Variants in TRAF1 observed in about 807,000 individuals in gnomAD.
The protein encoded by TRAF1 is TNF receptor associated factor 1, also known as TNF receptor-associated factor 1.
TRAF1 carries 23 observed loss-of-function variants against 40.9 expected under a neutral mutation model. The ratio of observed to expected loss-of-function variants is 0.56; its 90% CI spans 0.40 to 0.80. The LOEUF (loss-of-function observed/expected upper bound fraction) is 0.80. Ranked by LOEUF, TRAF1 falls within the 30% of genes least tolerant of loss-of-function variation. The pLI, the probability that TRAF1 is intolerant of heterozygous loss-of-function variation, is 0.00. For synonymous variants in TRAF1, 206 were observed against 218.8 expected (o/e 0.94, Z 0.52); for missense variants, 477 against 528.7 (o/e 0.90, Z 0.96).
chr9:120,908,412 A>G (rs1445581602), intron 7 of TRAF1, among the ~76,000 whole-genome samples: 2 of 152,002 alleles, frequency 1.3e-5, no homozygotes, highest in Non-Finnish European at 2.9e-5. Context: ...CTCTTCATAT[A>G]TTTATTCTCT....
chr9:120,909,489 G>A (rs2046509932), intron 6 of TRAF1, 111 bp from the exon 7 acceptor site: 1 of 1,323,938 alleles, frequency 7.6e-7, no homozygotes, highest in Non-Finnish European at 1.0e-6. Flanking sequence ...CATGAAAGAT[G>A]GGGTTAGAAC....
intron 5 of TRAF1, among the ~76,000 whole-genome samples, chr9:120,912,522 T>C (rs1265656849): frequency 2.6e-5 from 4 of 152,032 alleles, no homozygotes; most frequent in Non-Finnish European, 5.9e-5. Flanking sequence ...CTGGGTGTGG[T>C]GGCACACGCC....
Position 120,911,368 on chromosome 9 carries a change from G to C in TRAF1, c.851C>G (p.Ala284Gly). ...GAAGAGGCTGACGGTCCTGCCACAG[G>C]CCGACTCATGGCACCGCCTGGTGAC... ...TNVTRRCHES[A>G]CGRTVSLFSP... Residue 284 changes from alanine (A) to glycine (G), a missense_variant, in exon 6 of 8, where the codon GCC (alanine) becomes GGC (glycine). Physicochemically the swap from Ala to Gly is moderately conservative, Grantham distance 60 (BLOSUM62 0). Coordinates refer to ENST00000373887, the MANE Select transcript of TRAF1 (RefSeq NM_005658.5). 1 of 1,613,606 alleles carries C rather than the reference G, an allele frequency of 6.2e-7. No homozygotes were observed. Among genetic ancestry groups the C allele is most frequent in the South Asian group, 1.1e-5 (1 of 91,084 alleles).
intron 3 of TRAF1, among the ~76,000 whole-genome samples, chr9:120,921,734 G>A (rs116192987): frequency 8.5e-5 from 13 of 152,308 alleles, no homozygotes; most frequent in African/African-American, 2.6e-4. Flanking sequence ...AGGGCCTGCC[G>A]ATGGAGAGGT....
At chr9:120,915,653 G>A (rs776091796) in intron 3 of TRAF1, among the ~76,000 whole-genome samples, 14 of 152,076 alleles carry the variant, frequency 9.2e-5, no homozygotes, top group Non-Finnish European at 1.8e-4. Context: ...GCAACATAAT[G>A]AGACCTCATC....
intron 3 of TRAF1, among the ~76,000 whole-genome samples, chr9:120,922,934 G>C (rs1297321457): frequency 6.6e-6 from 1 of 151,996 alleles, no homozygotes; most frequent in Non-Finnish European, 1.5e-5. Context: ...ACCTCCCCAG[G>C]CTCAGGCGAC....
At chr9:120,921,907 A>G (rs2046608263) in intron 3 of TRAF1, among the ~76,000 whole-genome samples, 1 of 152,222 alleles carries the variant, frequency 6.6e-6, no homozygotes, top group Admixed American at 6.5e-5. Flanking sequence ...CCCTGCCAGC[A>G]CTGCTATCAC....
chr9:120,906,201 CAG>C (rs1455130911), intron 7 of TRAF1, among the ~76,000 whole-genome samples: 10 of 121,420 alleles, frequency 8.2e-5, no homozygotes, highest in African/African-American at 3.4e-4. Flanking sequence ...TTTTTTGAGA[CAG>C]AGTTTCGCTC....
At chr9:120,929,164 G>C (rs575098526), upstream of TRAF1, 150 of 152,566 alleles carry the variant, frequency 9.8e-4, no homozygotes, top group African/African-American at 3.6e-3. The surrounding 1 kb of genome is among the most constrained non-coding windows in gnomAD (Gnocchi z 4.5). Context: ...CGGAGCTTCC[G>C]GTGGAGTGTG....
chr9:120,923,362 T>C (rs571383303), intron 3 of TRAF1, among the ~76,000 whole-genome samples: 131 of 152,362 alleles, frequency 8.6e-4, no homozygotes, highest in Middle Eastern at 3.4e-3. Flanking sequence ...CAGGTCATTA[T>C]GCATGGCCTA....
rs201020297 is a variant in TRAF1 at position 120,925,947 on chromosome 9, A to C, written c.129T>G (p.Ser43=). 6.2e-7 allele frequency: 1 copy of C among 1,613,806 alleles called. No homozygotes were observed. The highest frequency in any genetic ancestry group is 8.5e-7 in the Non-Finnish European group (1 of 1,179,912). The change falls in exon 2 of 8, where the codon TCT becomes TCG. Residue 43 remains serine (S), a synonymous_variant. Transcript: ENST00000373887. The stretch of plus-strand genomic sequence containing the variant: ...CTCCATCACCTCACCTCGGGTTCTC[A>C]GAGAGACAGCCTGCACAGCAGAGAG... ...PRALCCAGCL[S]ENPRNGEDQI...
intron 6 of TRAF1, among the ~76,000 whole-genome samples, chr9:120,910,985 T>A (rs1438908661): frequency 6.6e-6 from 1 of 152,242 alleles, no homozygotes; most frequent in Admixed American, 6.5e-5. Flanking sequence ...CATCTGCACA[T>A]ACTGTGGCCC....
chr9:120,914,350 C>T, intron 3 of TRAF1, 50 bp from the exon 4 acceptor site: 1 of 1,380,340 alleles, frequency 7.2e-7, no homozygotes. Flanking sequence ...CCTGTGGCTA[C>T]CCTGGGGCTC....
intron 3 of TRAF1, among the ~76,000 whole-genome samples, chr9:120,916,202 T>G (rs1490772581): frequency 6.6e-6 from 1 of 152,182 alleles, no homozygotes; most frequent in East Asian, 1.9e-4. Context: ...CACCAAAGAC[T>G]ACATACTACC....
upstream of TRAF1, chr9:120,928,335 A>G (rs1310660322): frequency 2.6e-5 from 4 of 152,234 alleles, no homozygotes; most frequent in Admixed American, 2.6e-4. Flanking sequence ...AAGATTGTCT[A>G]TACAGGCACT....
intron 5 of TRAF1, 90 bp downstream of exon 5, chr9:120,913,238 G>T: frequency 1.4e-6 from 2 of 1,443,570 alleles, no homozygotes; most frequent in Non-Finnish European, 1.9e-6. Flanking sequence ...CTGTAAGCAG[G>T]ATGAATGATT....
chr9:120,908,439 G>C (rs1381351831), intron 7 of TRAF1, among the ~76,000 whole-genome samples: 1 of 152,064 alleles, frequency 6.6e-6, no homozygotes, highest in Non-Finnish European at 1.5e-5. Flanking sequence ...ACATGTTTTG[G>C]TCTCCTGCTA....
Position 120,904,739 on chromosome 9 carries a change from C to T in TRAF1, c.*281G>A, listed in dbSNP as rs2131615225. 1.1e-5 allele frequency: 5 copies of T among 454,142 alleles called. No individual in the cohort carries two copies. Among genetic ancestry groups the T allele is most frequent in the East Asian group, 8.0e-5 (2 of 25,000 alleles). The allele number at this position is 454,142 out of a possible 1,614,324, so 28.1% of individuals were successfully genotyped here. On this transcript the variant is annotated 3_prime_UTR_variant, in exon 8 of 8. Transcript: ENST00000373887. Reference sequence around the variant, plus strand: ...TTTGGTGAGAGTCCACCTCAACATTCGGGGCCGGAGTGGCTCACTGGCCTC... The same window carrying T: ...TTTGGTGAGAGTCCACCTCAACATTTGGGGCCGGAGTGGCTCACTGGCCTC...
Position 120,903,734 on chromosome 9 carries a change from G to A in TRAF1, c.*1286C>T, listed in dbSNP as rs1183964603. On this transcript the variant is annotated 3_prime_UTR_variant, in exon 8 of 8. Coordinates refer to ENST00000373887, the MANE Select transcript of TRAF1 (RefSeq NM_005658.5). Reference sequence around the variant, plus strand: ...TTGCCCAGGCTTCTCTCTCCAGTCTGTCCTGCGTGGCATCTCCTTTGAGGG... The same window carrying A: ...TTGCCCAGGCTTCTCTCTCCAGTCTATCCTGCGTGGCATCTCCTTTGAGGG... 1.3e-5 allele frequency: 2 copies of A among 152,286 alleles called. No homozygotes were observed. Among genetic ancestry groups the A allele is most frequent in the African/African-American group, 4.8e-5 (2 of 41,458 alleles). 9.4% of individuals were successfully genotyped at this position (152,286 alleles called of 1,614,324 possible). A position where few individuals can be genotyped will look rare whatever the true frequency, so the allele number is the denominator to read the frequency against.
Sources: gnomAD v4.1 joint callset for allele counts (sites outside exome capture counted in the v4.1 genomes callset) on GRCh38, gnomAD v4.1.1 for gene constraint, Gnocchi (gnomAD v3.1) non-coding constraint, MANE v1.5 for transcripts, NCBI Gene and HGNC (gene_info 2026-07-23, HGNC 2026-07-21) for gene names.